Variants in BICC1 observed in about 807,000 individuals in gnomAD.
BICC1 encodes protein bicaudal C homolog 1.
A neutral mutation model predicts 111.0 loss-of-function variants in BICC1; 43 were observed. The ratio of observed to expected loss-of-function variants is 0.39; its 90% CI spans 0.30 to 0.50. The LOEUF is 0.50. BICC1 is among the 20% of genes least tolerant of loss of function. BICC1 has a pLI of 0.88. For missense variants in BICC1, 1,091 were observed against 1,203.2 expected, an observed-to-expected ratio of 0.91 and a Z score of 1.38; for synonymous variants, 467 against 434.4, an observed-to-expected ratio of 1.07 and a Z score of -0.93.
At chr10:58,585,847 G>C (rs112386203) in intron 1 of BICC1, among the ~76,000 whole-genome samples, 235 of 152,266 alleles carry the variant, frequency 1.5e-3, no homozygotes, top group African/African-American at 5.3e-3. Flanking sequence ...AGATGATGAC[G>C]TACCTTCAGA....
chr10:58,619,733 A>G (rs1403070880), intron 1 of BICC1, among the ~76,000 whole-genome samples: 2 of 152,154 alleles, frequency 1.3e-5, no homozygotes, highest in Non-Finnish European at 2.9e-5. Flanking sequence ...TCGGCCTCCC[A>G]AGTTTTGAAT....
At chr10:58,667,668 T>A (rs1243311108) in intron 2 of BICC1, among the ~76,000 whole-genome samples, 1 of 152,082 alleles carries the variant, frequency 6.6e-6, no homozygotes, top group Non-Finnish European at 1.5e-5. Context: ...AGCCTGAACA[T>A]CTATTACCAG....
intron 3 of BICC1, among the ~76,000 whole-genome samples, chr10:58,708,035 G>C (rs1347129737): frequency 8.8e-6 from 1 of 113,868 alleles, no homozygotes; most frequent in African/African-American, 3.3e-5. Context: ...GTAGAGACAG[G>C]GTTTTACCAT....
chr10:58,527,278 T>C (rs989592944), intron 1 of BICC1, among the ~76,000 whole-genome samples: 2 of 152,244 alleles, frequency 1.3e-5, no homozygotes, highest in Admixed American at 6.5e-5. Flanking sequence ...GGTTGATTTT[T>C]TCCTGTAAAT....
chr10:58,523,990 C>A (rs1212278402), intron 1 of BICC1, among the ~76,000 whole-genome samples: 15 of 151,982 alleles, frequency 9.9e-5, no homozygotes, highest in Non-Finnish European at 1.8e-4. Context: ...ATCCAACGTA[C>A]AAGGGATGTG....
rs150827845 is a variant in BICC1, at chr10:58,678,389, T to C, written c.238-23685T>C. ...AATGGAAAGCAAAAAAAAGCAGGGG[T>C]TGCAATTCTAGTCTCTGATAAAACA... On this transcript the variant is annotated intron_variant, in intron 2 of 20. Transcript: ENST00000373886. Among the ~76,000 whole-genome samples, 1,076 of 149,772 alleles carry C rather than the reference T, an allele frequency of 7.2e-3. 15 individuals are homozygous for C. Among genetic ancestry groups the C allele is most frequent in the African/African-American group, 0.025 (1,017 of 40,624 alleles).
chr10:58,815,257 G>T (rs535912608), intron 18 of BICC1, among the ~76,000 whole-genome samples: 1 of 152,296 alleles, frequency 6.6e-6, no homozygotes, highest in African/African-American at 2.4e-5. Flanking sequence ...AGGAGTCTCA[G>T]ATTTGAAAGG....
intron 14 of BICC1, among the ~76,000 whole-genome samples, chr10:58,802,274 A>G (rs1373549692): frequency 3.9e-5 from 6 of 152,226 alleles, no homozygotes. Flanking sequence ...ACTTTTGTCA[A>G]GCAAAGTTCA....
chr10:58,650,494 A>G (rs998765576), intron 2 of BICC1: 2 of 152,226 alleles, frequency 1.3e-5, no homozygotes, highest in Non-Finnish European at 2.9e-5. Flanking sequence ...AGCTGGTTGT[A>G]TCAGCCTTCA....
chr10:58,692,985 G>A (rs4341488), intron 2 of BICC1, among the ~76,000 whole-genome samples: 109,967 of 151,512 alleles, frequency 0.73, 41,912 homozygotes, highest in East Asian at 0.9. Context: ...AGCATTAGGT[G>A]TATCTCCTAA....
intron 1 of BICC1, among the ~76,000 whole-genome samples, chr10:58,618,117 C>T (rs1041874509): frequency 6.6e-6 from 1 of 151,938 alleles, no homozygotes; most frequent in Non-Finnish European, 1.5e-5. Context: ...TACCTAGAGC[C>T]TATGTGTAAG....
At chr10:58,526,590 C>G (rs986567006) in intron 1 of BICC1, among the ~76,000 whole-genome samples, 1 of 152,150 alleles carries the variant, frequency 6.6e-6, no homozygotes, top group South Asian at 2.1e-4. Flanking sequence ...CCCCCCACCC[C>G]ACGACAGGAC....
At position 58,646,198 on chromosome 10, in the gene BICC1, C is replaced by A. The variant is rs58190875; in HGVS notation, c.237+25297C>A. On this transcript the variant is annotated intron_variant, in intron 2 of 20. Transcript: ENST00000373886. ...CCTAAGAATAGTATTATGCCATTTA[C>A]TAATAGATGGGAAATGCAGACTAAT... Among the ~76,000 whole-genome samples the A allele has an allele frequency of 4.8e-3, 733 of 151,930 alleles. 6 individuals carry two copies. Among genetic ancestry groups the A allele is most frequent in the African/African-American group, 0.017 (697 of 41,428 alleles).
At chr10:58,637,064 A>G (rs1186013792) in intron 2 of BICC1, among the ~76,000 whole-genome samples, 1 of 151,872 alleles carries the variant, frequency 6.6e-6, no homozygotes, top group Admixed American at 6.6e-5. Flanking sequence ...TCTCAGTTTA[A>G]AGCTGTGATC....
At chr10:58,565,835 AG>A (rs1440410184) in intron 1 of BICC1, among the ~76,000 whole-genome samples, 6 of 152,072 alleles carry the variant, frequency 3.9e-5, no homozygotes, top group South Asian at 4.1e-4. Context: ...TTATTTCCAT[AG>A]GTTTTTGGGG....
intron 1 of BICC1, among the ~76,000 whole-genome samples, chr10:58,608,209 C>T (rs955871840): frequency 6.6e-6 from 1 of 152,104 alleles, no homozygotes; most frequent in Admixed American, 6.5e-5. Flanking sequence ...AACTACTCCC[C>T]ACCTCTCCTG....
At chr10:58,749,842 A>C (rs1388779637) in intron 3 of BICC1, among the ~76,000 whole-genome samples, 1 of 152,186 alleles carries the variant, frequency 6.6e-6, no homozygotes, top group African/African-American at 2.4e-5. Flanking sequence ...ATAATCAAAA[A>C]TGAAAACAGT....
intron 14 of BICC1, 66 bp downstream of exon 14, chr10:58,801,112 A>C (rs1843533674): frequency 7.3e-7 from 1 of 1,379,000 alleles, no homozygotes; most frequent in African/African-American, 1.5e-5. Context: ...TCTCAACTCT[A>C]TAGTTAGTAC....
chr10:58,761,306 C>T (rs942778251), intron 3 of BICC1, among the ~76,000 whole-genome samples: 4 of 152,052 alleles, frequency 2.6e-5, no homozygotes, highest in South Asian at 2.1e-4. Flanking sequence ...CTTTCCAATT[C>T]GAAGAGGAGG....
Sources: allele counts gnomAD v4.1 joint callset (sites outside exome capture counted in the v4.1 genomes callset), GRCh38; gene constraint gnomAD v4.1.1; transcripts MANE v1.5; gene names NCBI Gene and HGNC (gene_info 2026-07-23, HGNC 2026-07-21).